Variants in RIC1 observed in about 807,000 individuals in gnomAD.
RIC1 encodes the protein RIC1 partner of RAB6A GEF complex.
Under a neutral mutation model 169.0 loss-of-function variants are expected in RIC1, and 88 were observed. The observed-to-expected ratio is 0.52, with a 90% CI of 0.44 to 0.62. The LOEUF (loss-of-function observed/expected upper bound fraction) is 0.62. Among genes scored for constraint, RIC1 ranks in the 20% least tolerant of loss-of-function variants. The pLI is 0.00. For missense variants in RIC1, 1,877 were observed against 1,725.5 expected (o/e 1.09, Z -1.56); for synonymous variants, 790 against 601.5 (o/e 1.31, Z -4.59).
At chr9:5,696,590 C>A (rs778245980) in intron 3 of RIC1, among the ~76,000 whole-genome samples, 2 of 149,058 alleles carry the variant, frequency 1.3e-5, no homozygotes, top group South Asian at 2.2e-4. Context: ...TTCATCAATA[C>A]CTTCTTACTT....
At chr9:5,751,366 G>T (rs1825713809) in intron 12 of RIC1, among the ~76,000 whole-genome samples, 1 of 151,636 alleles carries the variant, frequency 6.6e-6, no homozygotes, top group African/African-American at 2.4e-5. Context: ...GGGGGTCTGG[G>T]GGGCAGGGAG....
intron 11 of RIC1, among the ~76,000 whole-genome samples, chr9:5,746,919 C>A (rs1244471363): frequency 6.6e-6 from 1 of 152,154 alleles, no homozygotes; most frequent in African/African-American, 2.4e-5. Flanking sequence ...GAGAGCATTT[C>A]TCCCTCCCCT....
chr9:5,680,919 C>T (rs1274942589), intron 2 of RIC1, among the ~76,000 whole-genome samples: 18 of 146,934 alleles, frequency 1.2e-4, no homozygotes, highest in African/African-American at 2.0e-4. Flanking sequence ...CTCCGCCTCC[C>T]GGGTTCACGC....
chr9:5,716,884 T>C (rs1027208572), intron 4 of RIC1, among the ~76,000 whole-genome samples: 10 of 152,144 alleles, frequency 6.6e-5, no homozygotes, highest in African/African-American at 2.4e-4. Flanking sequence ...TGCTGCTCAG[T>C]TGGTCTCGAG....
intron 1 of RIC1, 117 bp downstream of exon 1, chr9:5,629,570 C>A: frequency 8.9e-7 from 1 of 1,121,438 alleles, no homozygotes; most frequent in Non-Finnish European, 1.2e-6. Context: ...GACCCACCTG[C>A]CTTCGCAGTC....
chr9:5,649,262 G>A (rs963318086), intron 1 of RIC1, among the ~76,000 whole-genome samples: 1 of 152,118 alleles, frequency 6.6e-6, no homozygotes, highest in Non-Finnish European at 1.5e-5. Flanking sequence ...TAATTACATA[G>A]AATACTCCTG....
intron 2 of RIC1, among the ~76,000 whole-genome samples, chr9:5,665,602 C>G (rs1350392517): frequency 6.6e-6 from 1 of 152,160 alleles, no homozygotes; most frequent in Non-Finnish European, 1.5e-5. Flanking sequence ...TTTGAGGTTG[C>G]TGACCTTTGA....
chr9:5,652,961 ATGG>A (rs1818889338), intron 1 of RIC1, among the ~76,000 whole-genome samples: 1 of 152,132 alleles, frequency 6.6e-6, no homozygotes, highest in African/African-American at 2.4e-5. Flanking sequence ...TGAAATGATC[ATGG>A]GGTTTTTGCC....
In RIC1 at chr9:5,656,651, A is replaced by G. The variant is rs377508973; in HGVS notation, c.213A>G (p.Gln71=). 7.4e-6 allele frequency: 12 copies of G among 1,611,128 alleles called. No individual in the cohort carries two copies. The African/African-American group carries it at 1.1e-4, about 14-fold the overall frequency. The part of the protein sequence containing the change: ...KSSTQFGSYK[Q]AEWRPDSTMI... ...CTACTCAGTTTGGATCCTACAAGCA[A>G]GCTGAATGGAGGCCAGATAGTACCA... Residue 71 remains glutamine (Q), a synonymous_variant, in exon 2 of 26, where the codon CAA becomes CAG. Transcript: ENST00000414202.
At chr9:5,669,715 G>T (rs1819979442) in intron 2 of RIC1, among the ~76,000 whole-genome samples, 1 of 152,282 alleles carries the variant, frequency 6.6e-6, no homozygotes, top group African/African-American at 2.4e-5. Context: ...TCTTGCAGTG[G>T]CAAAGAGAGA....
Position 5,658,638 on chromosome 9 carries a change from A to G in RIC1, c.252+1948A>G, listed in dbSNP as rs578015666. On this transcript the variant is annotated intron_variant, in intron 2 of 25. Transcript: ENST00000414202. The stretch of plus-strand genomic sequence containing the variant: ...AGAAGTTGTATTAATTGATAGTAGT[A>G]AAAATCCACATGGAGCAGCAAAAGA... 2.6e-5 allele frequency among the ~76,000 whole-genome samples: 4 copies of G among 152,238 alleles called. No individual in the cohort carries two copies. In the South Asian group the frequency reaches 6.2e-4, roughly 24 times the overall value.
At chr9:5,649,942 G>C (rs1403618363) in intron 1 of RIC1, among the ~76,000 whole-genome samples, 1 of 151,916 alleles carries the variant, frequency 6.6e-6, no homozygotes, top group Non-Finnish European at 1.5e-5. Flanking sequence ...GACCTTTTTA[G>C]CCATATATAG....
intron 2 of RIC1, among the ~76,000 whole-genome samples, chr9:5,684,499 A>G (rs759941481): frequency 6.6e-6 from 1 of 152,154 alleles, no homozygotes; most frequent in South Asian, 2.1e-4. Flanking sequence ...AGATTTATCC[A>G]TATCTCACAA....
At chr9:5,743,353 A>T (rs964632105) in intron 9 of RIC1, among the ~76,000 whole-genome samples, 1 of 152,156 alleles carries the variant, frequency 6.6e-6, no homozygotes, top group East Asian at 1.9e-4. Flanking sequence ...AAGTTACGTT[A>T]TCTCATTAGG....
At chr9:5,715,688 T>A (rs574483694) in intron 4 of RIC1, among the ~76,000 whole-genome samples, 3 of 152,182 alleles carry the variant, frequency 2.0e-5, no homozygotes, top group Admixed American at 1.3e-4. Context: ...TATTTTTGAT[T>A]TGAAGAAAAA....
At chr9:5,726,860 A>G (rs146824157) in intron 6 of RIC1, among the ~76,000 whole-genome samples, 1 of 152,118 alleles carries the variant, frequency 6.6e-6, no homozygotes, top group African/African-American at 2.4e-5. Context: ...ATTCTTTTCT[A>G]TAAGAATGTT....
intron 3 of RIC1, among the ~76,000 whole-genome samples, chr9:5,701,245 T>C (rs769589152): frequency 2.6e-5 from 4 of 152,210 alleles, no homozygotes; most frequent in Non-Finnish European, 5.9e-5. Flanking sequence ...GATGGAGATA[T>C]TTATCTTTTT....
intron 23 of RIC1, 44 bp downstream of exon 23, chr9:5,770,322 A>G: frequency 6.6e-7 from 1 of 1,506,738 alleles, no homozygotes; most frequent in African/African-American, 1.4e-5. Context: ...CCTTTGAAGA[A>G]AATTTATGTG....
chr9:5,739,477 A>G (rs1250889397), intron 8 of RIC1, among the ~76,000 whole-genome samples: 1 of 152,086 alleles, frequency 6.6e-6, no homozygotes, highest in African/African-American at 2.4e-5. Flanking sequence ...TAAATTAGAA[A>G]ACTCAAGCAG....
Sources: allele counts gnomAD v4.1 joint callset (sites outside exome capture counted in the v4.1 genomes callset), GRCh38; gene constraint gnomAD v4.1.1; transcripts MANE v1.5; gene names NCBI Gene and HGNC (gene_info 2026-07-23, HGNC 2026-07-21).